Variants in MAN1A2 observed in about 807,000 individuals in gnomAD.
The protein encoded by MAN1A2 is mannosidase alpha class 1A member 2, also known as mannosyl-oligosaccharide 1,2-alpha-mannosidase IB.
A neutral mutation model predicts 75.7 loss-of-function variants in MAN1A2; 26 were observed. The ratio of observed to expected loss-of-function variants is 0.34; its 90% CI spans 0.25 to 0.48. MAN1A2 has a LOEUF of 0.48. MAN1A2 is among the 20% of genes least tolerant of loss of function. The pLI, the probability that MAN1A2 is intolerant of heterozygous loss-of-function variation, is 0.99. For missense variants in MAN1A2, 562 were observed against 775.5 expected (o/e 0.72, Z 3.27); for synonymous variants, 247 against 264.6 (o/e 0.93, Z 0.65).
intron 8 of MAN1A2, among the ~76,000 whole-genome samples, chr1:117,474,986 T>C (rs760239502): frequency 3.3e-5 from 5 of 152,014 alleles, no homozygotes; most frequent in Admixed American, 6.6e-5. Flanking sequence ...AGCATAATTA[T>C]TTTGAGATTG....
chr1:117,397,665 T>C (rs899350433), intron 1 of MAN1A2, among the ~76,000 whole-genome samples: 13 of 148,074 alleles, frequency 8.8e-5, no homozygotes, highest in Non-Finnish European at 1.5e-4. Flanking sequence ...TTTTTTTTTT[T>C]TGGAGACGTA....
At chr1:117,497,311 C>T (rs563139920) in intron 10 of MAN1A2, among the ~76,000 whole-genome samples, 1 of 152,042 alleles carries the variant, frequency 6.6e-6, no homozygotes, top group African/African-American at 2.4e-5. Flanking sequence ...AAAACAGTTA[C>T]TTAAAAGAAC....
chr1:117,441,386 A>G (rs1321505429), intron 5 of MAN1A2, among the ~76,000 whole-genome samples: 1 of 152,134 alleles, frequency 6.6e-6, no homozygotes, highest in Non-Finnish European at 1.5e-5. Context: ...GCTGCAGTAA[A>G]AAGATGGAAT....
chr1:117,452,178 A>G (rs1431438839), intron 6 of MAN1A2, among the ~76,000 whole-genome samples: 3 of 151,734 alleles, frequency 2.0e-5, no homozygotes, highest in South Asian at 4.2e-4. Flanking sequence ...ATGGTGGTGC[A>G]TGCCTGTAAT....
Position 117,527,398 on chromosome 1 carries a change from C to CCCTCTAA in MAN1A2, c.*4445_*4451dup, listed in dbSNP as rs1367514591. On this transcript the variant is annotated 3_prime_UTR_variant, in exon 13 of 13. Transcript: ENST00000356554. The stretch of plus-strand genomic sequence containing the variant: ...GATCCCAAGTTTATTTTGTGTTAGA[C>CCCTCTAA]CCTCTAACCTTTGATCTGCGTCTTT... 2.0e-5 allele frequency: 3 copies of CCCTCTAA among 151,920 alleles called. No homozygotes were observed. Among genetic ancestry groups the CCCTCTAA allele is most frequent in the Admixed American group, 6.6e-5 (1 of 15,230 alleles). The allele number at this position is 151,920 out of a possible 1,614,324, so 9.4% of individuals were successfully genotyped here. A position where few individuals can be genotyped will look rare whatever the true frequency, so the allele number is the denominator to read the frequency against.
intron 9 of MAN1A2, among the ~76,000 whole-genome samples, chr1:117,495,283 T>C (rs928397912): frequency 6.6e-6 from 1 of 151,880 alleles, no homozygotes; most frequent in South Asian, 2.1e-4. Context: ...TGTTTTTTAA[T>C]AACAGTTGAT....
rs1647803216 is a variant in MAN1A2 at position 117,411,132 on chromosome 1, A to G, written c.656-3581A>G. On this transcript the variant is annotated intron_variant, in intron 3 of 12. Coordinates refer to ENST00000356554, the MANE Select transcript of MAN1A2 (RefSeq NM_006699.5). The stretch of plus-strand genomic sequence containing the variant: ...TCTATGAAAATACAAAGCACTTAGA[A>G]TAGTCAAGTAATTTTTTTAAAAAAA... Among the ~76,000 whole-genome samples the G allele has an allele frequency of 3.3e-5, 5 of 151,922 alleles. No individual in the cohort carries two copies. In the Middle Eastern group the frequency reaches 0.014, roughly 416 times the overall value.
chr1:117,458,418 G>C (rs1649670995), intron 6 of MAN1A2, among the ~76,000 whole-genome samples: 1 of 147,466 alleles, frequency 6.8e-6, no homozygotes, highest in Non-Finnish European at 1.5e-5. Flanking sequence ...CTATTTTAAT[G>C]TTCTCTAAAC....
chr1:117,478,794 A>G (rs1244619219), intron 8 of MAN1A2, among the ~76,000 whole-genome samples: 1 of 151,978 alleles, frequency 6.6e-6, no homozygotes, highest in Non-Finnish European at 1.5e-5. Context: ...AGTGTGTACC[A>G]TCCTGTTTTG....
chr1:117,471,707 T>C (rs966913566), intron 8 of MAN1A2, among the ~76,000 whole-genome samples: 1 of 151,812 alleles, frequency 6.6e-6, no homozygotes, highest in Non-Finnish European at 1.5e-5. Context: ...GACAAGAAAA[T>C]GTAAATTCTC....
At chr1:117,518,972 A>G (rs1254109145) in intron 12 of MAN1A2, among the ~76,000 whole-genome samples, 2 of 152,118 alleles carry the variant, frequency 1.3e-5, no homozygotes, top group Non-Finnish European at 2.9e-5. Flanking sequence ...GAATATTGAA[A>G]TTCTGTCAAG....
chr1:117,445,491 G>A (rs1212517854), intron 6 of MAN1A2, among the ~76,000 whole-genome samples: 1 of 152,148 alleles, frequency 6.6e-6, no homozygotes, highest in Non-Finnish European at 1.5e-5. Context: ...TTGTTGGAAA[G>A]TTTTTAATAA....
At chr1:117,370,853 A>G (rs999390179) in intron 1 of MAN1A2, among the ~76,000 whole-genome samples, 2 of 152,004 alleles carry the variant, frequency 1.3e-5, no homozygotes, top group African/African-American at 2.4e-5. Flanking sequence ...TCTTATTTGC[A>G]GTACTTAAGA....
At chr1:117,506,947 T>C (rs757429193) in intron 12 of MAN1A2, among the ~76,000 whole-genome samples, 3 of 151,628 alleles carry the variant, frequency 2.0e-5, no homozygotes, top group Non-Finnish European at 4.4e-5. Flanking sequence ...TGACTACAGT[T>C]TCTAATCAGC....
intron 5 of MAN1A2, among the ~76,000 whole-genome samples, chr1:117,438,957 G>C (rs1648937316): frequency 6.6e-6 from 1 of 152,098 alleles, no homozygotes; most frequent in Non-Finnish European, 1.5e-5. Context: ...AGTGGGATGG[G>C]GCATAAAGGA....
intron 3 of MAN1A2, among the ~76,000 whole-genome samples, chr1:117,406,857 C>T (rs1237530745): frequency 2.0e-5 from 3 of 151,854 alleles, no homozygotes; most frequent in South Asian, 2.1e-4. Context: ...TTAAACTCAA[C>T]GGTAAATTGT....
intron 5 of MAN1A2, among the ~76,000 whole-genome samples, chr1:117,431,324 C>G (rs1374981876): frequency 6.6e-6 from 1 of 150,652 alleles, no homozygotes; most frequent in African/African-American, 2.4e-5. Context: ...CATCAAATAA[C>G]AGAGCTTTGA....
chr1:117,437,054 G>A (rs1053539785), intron 5 of MAN1A2, among the ~76,000 whole-genome samples: 1 of 152,096 alleles, frequency 6.6e-6, no homozygotes, highest in African/African-American at 2.4e-5. Flanking sequence ...CCTTCACTTG[G>A]TTCTGAGGAA....
intron 7 of MAN1A2, among the ~76,000 whole-genome samples, chr1:117,465,408 G>T (rs1649951816): frequency 1.3e-5 from 2 of 152,132 alleles, no homozygotes; most frequent in African/African-American, 4.8e-5. Flanking sequence ...TCTCAAATGT[G>T]AAAGAACACA....
Sources: allele counts gnomAD v4.1 joint callset (sites outside exome capture counted in the v4.1 genomes callset), GRCh38; gene constraint gnomAD v4.1.1; transcripts MANE v1.5; gene names NCBI Gene and HGNC (gene_info 2026-07-23, HGNC 2026-07-21).